CDH18: variants seen among roughly 807,000 people sequenced by gnomAD.
CDH18 encodes cadherin 18.
CDH18 carries 31 observed loss-of-function variants against 67.9 expected under a neutral mutation model. The ratio of observed to expected loss-of-function variants is 0.46; its 90% CI spans 0.34 to 0.62. CDH18 has a LOEUF of 0.62. CDH18 is among the 20% of genes least tolerant of loss of function. The pLI, the probability that CDH18 is intolerant of heterozygous loss-of-function variation, is 0.01. For synonymous variants in CDH18, 362 were observed against 347.2 expected, an observed-to-expected ratio of 1.04 and a Z score of -0.48; for missense variants, 890 against 975.5, an observed-to-expected ratio of 0.91 and a Z score of 1.17.
chr5:20,301,789 C>T (rs201108504), intron 1 of CDH18, among the ~76,000 whole-genome samples: 250 of 128,046 alleles, frequency 2.0e-3, no homozygotes, highest in Middle Eastern at 8.5e-3. Flanking sequence ...TTTCTTTTTT[C>T]TTTTTTTTTT....
chr5:20,010,463 C>T lies in CDH18; in HGVS notation c.-517-18449G>A, dbSNP rs139998836. On this transcript the variant is annotated intron_variant, in intron 2 of 14. Transcript: ENST00000507958. The stretch of plus-strand genomic sequence containing the variant: ...GCTTCAAGTGATCTGTCCATCTCAG[C>T]CTCCCAAAGTTCCGGGATTAGAAGT... 1.7e-3 allele frequency among the ~76,000 whole-genome samples: 256 copies of T among 152,136 alleles called. No individual in the cohort carries two copies. The Middle Eastern group carries it at 0.024, about 14-fold the overall frequency.
intron 2 of CDH18, among the ~76,000 whole-genome samples, chr5:20,036,087 T>C (rs1289780063): frequency 2.6e-5 from 4 of 152,012 alleles, no homozygotes; most frequent in African/African-American, 9.7e-5. Flanking sequence ...CAAAATTATT[T>C]ATAAAATCAC....
At chr5:20,397,216 C>CGCCT (rs1330440894) in intron 1 of CDH18, among the ~76,000 whole-genome samples, 4 of 151,994 alleles carry the variant, frequency 2.6e-5, no homozygotes, top group Admixed American at 2.6e-4. Flanking sequence ...CGGCAACATC[C>CGCCT]GCCTCCTGGG....
intron 1 of CDH18, among the ~76,000 whole-genome samples, chr5:20,383,553 C>G (rs1744081810): frequency 6.6e-6 from 1 of 152,080 alleles, no homozygotes; most frequent in Non-Finnish European, 1.5e-5. Flanking sequence ...TTCCAGATGC[C>G]TTTATTACCT....
Position 19,938,103 on chromosome 5 carries a change from T to G in CDH18, c.-257+42957A>C, listed in dbSNP as rs1579691807. 3.3e-5 allele frequency among the ~76,000 whole-genome samples: 5 copies of G among 149,894 alleles called. No individual in the cohort carries two copies. The East Asian group carries it at 9.7e-4, about 29-fold the overall frequency. On this transcript the variant is annotated intron_variant, in intron 2 of 12. Transcript: ENST00000382275. ...ATAGACTTTTTTTGGGAGATGGTGT[T>G]TAAAAATAACTGAATTTAGAGATTT...
chr5:20,144,308 A>G (rs1350910640), intron 2 of CDH18, among the ~76,000 whole-genome samples: 1 of 152,182 alleles, frequency 6.6e-6, no homozygotes, highest in Non-Finnish European at 1.5e-5. Context: ...TAGCAAGCCA[A>G]GGATAATTAT....
intron 1 of CDH18, among the ~76,000 whole-genome samples, chr5:20,454,788 G>A (rs1456607459): frequency 6.6e-6 from 1 of 152,064 alleles, no homozygotes; most frequent in Non-Finnish European, 1.5e-5. Flanking sequence ...CCTTGTGATG[G>A]ATGATCATAA....
chr5:19,989,596 A>G (rs753166180), upstream of CDH18, among the ~76,000 whole-genome samples: 34 of 152,362 alleles, frequency 2.2e-4, no homozygotes, highest in South Asian at 4.1e-4. Flanking sequence ...TAAAGGTTGT[A>G]TAATTTCTAA....
chr5:20,298,060 T>G (rs888618589), intron 1 of CDH18, among the ~76,000 whole-genome samples: 8 of 152,224 alleles, frequency 5.3e-5, no homozygotes, highest in African/African-American at 1.9e-4. Flanking sequence ...TTTTTCCACC[T>G]TAGAAAAATA....
chr5:20,092,975 TGACTAC>T (rs1282237351), intron 2 of CDH18, among the ~76,000 whole-genome samples: 78 of 152,294 alleles, frequency 5.1e-4, no homozygotes, highest in Non-Finnish European at 9.1e-4. Context: ...TTTGCTTTCT[TGACTAC>T]TGTTTTAAAT....
chr5:19,524,038 A>C (rs927957280), intron 9 of CDH18, among the ~76,000 whole-genome samples: 1 of 152,042 alleles, frequency 6.6e-6, no homozygotes, highest in African/African-American at 2.4e-5. Context: ...ACGTAAAAGT[A>C]AATATTATAC....
intron 2 of CDH18, among the ~76,000 whole-genome samples, chr5:20,120,584 C>T (rs1463489281): frequency 1.3e-5 from 2 of 152,008 alleles, no homozygotes; most frequent in African/African-American, 2.4e-5. Flanking sequence ...AAACTATATT[C>T]TAGATTTAAG....
chr5:20,502,695 C>T (rs1754408824), intron 1 of CDH18, among the ~76,000 whole-genome samples: 1 of 152,042 alleles, frequency 6.6e-6, no homozygotes, highest in Admixed American at 6.6e-5. Flanking sequence ...TTAAAACAAA[C>T]AAGGTGTATA....
intron 1 of CDH18, among the ~76,000 whole-genome samples, chr5:20,545,548 G>A (rs988400145): frequency 6.6e-6 from 1 of 152,196 alleles, no homozygotes; most frequent in African/African-American, 2.4e-5. Context: ...AAGCTGCCAA[G>A]GTTGGGTCTG....
chr5:20,305,398 T>C (rs140813680), intron 1 of CDH18: 70,211 of 1,542,314 alleles, frequency 0.046, 2,766 homozygotes, highest in East Asian at 0.16. Flanking sequence ...TTCAGCTTCA[T>C]CTTCTTGATC....
intron 1 of CDH18, among the ~76,000 whole-genome samples, chr5:20,403,038 C>G (rs1188980803): frequency 1.4e-5 from 2 of 146,022 alleles, no homozygotes; most frequent in African/African-American, 5.2e-5. Context: ...AAAAAAATAG[C>G]GAGGTGTGGT....
At chr5:19,512,575 AATTGTTTGTGGTATGAG>A (rs1272279900) in intron 10 of CDH18, among the ~76,000 whole-genome samples, 1 of 152,046 alleles carries the variant, frequency 6.6e-6, no homozygotes, top group East Asian at 1.9e-4. Flanking sequence ...TTAATTTTCT[AATTGTTTGTGGTATGAG>A]AACTCTAAAT....
intron 2 of CDH18, among the ~76,000 whole-genome samples, chr5:20,213,081 A>AG (rs1740479884): frequency 6.6e-6 from 1 of 152,144 alleles, no homozygotes; most frequent in South Asian, 2.1e-4. Context: ...TAAGCTCATT[A>AG]AGCTTAATCA....
At chr5:20,280,843 A>G (rs1746202122) in intron 1 of CDH18, among the ~76,000 whole-genome samples, 1 of 152,122 alleles carries the variant, frequency 6.6e-6, no homozygotes, top group Non-Finnish European at 1.5e-5. Context: ...AAGTGTTCCT[A>G]TTTCTCCACA....
Sources: allele counts gnomAD v4.1 joint callset (sites outside exome capture counted in the v4.1 genomes callset), GRCh38; gene constraint gnomAD v4.1.1; transcripts MANE v1.5; gene names NCBI Gene and HGNC (gene_info 2026-07-23, HGNC 2026-07-21).